KLF8: variants seen among roughly 807,000 people sequenced by gnomAD.
The protein encoded by KLF8 is Krueppel-like factor 8.
A neutral mutation model predicts 18.2 loss-of-function variants in KLF8; 10 were observed. The observed-to-expected ratio is 0.55, with a 90% CI of 0.34 to 0.93. The LOEUF (loss-of-function observed/expected upper bound fraction) is 0.93, where lower values mean the gene tolerates loss of function less well. Among genes scored for constraint, KLF8 ranks in the 40% least tolerant of loss-of-function variants. KLF8 has a pLI of 0.02. For synonymous variants in KLF8, 109 were observed against 97.3 expected (o/e 1.12, Z -0.71); for missense variants, 264 against 277.9 (o/e 0.95, Z 0.36).
At chrX:55,991,125 G>A in the KLF8 span, among the ~76,000 whole-genome samples, 3 of 112,235 alleles carry the variant, frequency 2.7e-5, no homozygotes, top group African/African-American at 9.7e-5. Context: ...AGGCAGGCAG[G>A]CCTCCTTGAG....
the KLF8 span, among the ~76,000 whole-genome samples, chrX:56,176,355 C>T: frequency 9.0e-6 from 1 of 111,674 alleles, no homozygotes; most frequent in African/African-American, 3.3e-5. Flanking sequence ...TTCTCCTTCA[C>T]TTCTGAAGCT....
At chrX:56,129,603 G>T in the KLF8 span, among the ~76,000 whole-genome samples, 1 of 111,634 alleles carries the variant, frequency 9.0e-6, no homozygotes, top group African/African-American at 3.3e-5. Context: ...ACTGGGGAAA[G>T]ACCAAAGGGA....
At chrX:56,136,569 G>T in the KLF8 span, among the ~76,000 whole-genome samples, 1 of 111,389 alleles carries the variant, frequency 9.0e-6, no homozygotes, top group Non-Finnish European at 1.9e-5. Flanking sequence ...AGCTGAAACT[G>T]GATCCCTTCC....
chrX:56,280,713 T>C (rs2067190545), intron 5 of KLF8, among the ~76,000 whole-genome samples: 1 of 112,387 alleles, frequency 8.9e-6, no homozygotes, highest in South Asian at 3.7e-4. Flanking sequence ...TTCCCAATCT[T>C]GGAATTTTAA....
the KLF8 span, among the ~76,000 whole-genome samples, chrX:56,177,484 C>T: frequency 5.4e-5 from 6 of 110,516 alleles, no homozygotes; most frequent in African/African-American, 2.0e-4. Flanking sequence ...GAGGAGTACC[C>T]GGCCATGTGA....
chrX:55,940,774 A>G, the KLF8 span, among the ~76,000 whole-genome samples: 20 of 111,807 alleles, frequency 1.8e-4, no homozygotes, highest in South Asian at 6.0e-3. Flanking sequence ...CCCATTCACA[A>G]TTGCTTCAAA....
chrX:55,966,487 C>T, the KLF8 span, among the ~76,000 whole-genome samples: 7 of 111,994 alleles, frequency 6.3e-5, no homozygotes, highest in Non-Finnish European at 1.3e-4. Context: ...GATAATTCTT[C>T]CACAACTTAT....
chrX:55,989,669 TTTG>T, the KLF8 span, among the ~76,000 whole-genome samples: 2,077 of 111,897 alleles, frequency 0.019, 43 homozygotes, highest in African/African-American at 0.065. Flanking sequence ...TTCTCTTTTT[TTTG>T]TTGTATCTCT....
chrX:56,195,859 AC>A, the KLF8 span, among the ~76,000 whole-genome samples: 2 of 111,614 alleles, frequency 1.8e-5, no homozygotes, highest in South Asian at 7.4e-4. Flanking sequence ...ACAAAAGAAA[AC>A]CCATCAGATT....
the KLF8 span, among the ~76,000 whole-genome samples, chrX:56,164,333 C>T: frequency 2.2e-5 from 2 of 91,122 alleles, no homozygotes; most frequent in Non-Finnish European, 4.3e-5. Flanking sequence ...AGTAAACAAA[C>T]CGTAACACCA....
chrX:56,204,487 T>G, the KLF8 span, among the ~76,000 whole-genome samples: 1 of 111,760 alleles, frequency 8.9e-6, no homozygotes, highest in Non-Finnish European at 1.9e-5. Context: ...ATGGGCCTCC[T>G]TGTTGTGTTA....
chrX:56,140,960 T>A, the KLF8 span, among the ~76,000 whole-genome samples: 23 of 111,377 alleles, frequency 2.1e-4, no homozygotes, highest in Non-Finnish European at 3.6e-4. Context: ...ATTGTTTACT[T>A]TGCATTTGTT....
the KLF8 span, among the ~76,000 whole-genome samples, chrX:56,006,822 A>G: frequency 1.8e-5 from 2 of 112,002 alleles, no homozygotes; most frequent in Non-Finnish European, 3.8e-5. Flanking sequence ...TGGCAGGTTG[A>G]CAGGGCCTGT....
the KLF8 span, among the ~76,000 whole-genome samples, chrX:55,966,978 A>G: frequency 8.9e-6 from 1 of 112,183 alleles, no homozygotes; most frequent in African/African-American, 3.2e-5. Flanking sequence ...TGCAGTTGAC[A>G]TACTGAAGAA....
chrX:56,171,250 A>G, the KLF8 span, among the ~76,000 whole-genome samples: 11 of 112,269 alleles, frequency 9.8e-5, no homozygotes, highest in African/African-American at 3.2e-4. Context: ...ATATAAATAG[A>G]AACAACAAAA....
At chrX:55,938,601 C>A in the KLF8 span, among the ~76,000 whole-genome samples, 1 of 110,898 alleles carries the variant, frequency 9.0e-6, no homozygotes, top group Non-Finnish European at 1.9e-5. Context: ...AGAGTCAAGA[C>A]CCATCAGTGT....
At chrX:56,191,953 G>T in the KLF8 span, among the ~76,000 whole-genome samples, 1 of 111,149 alleles carries the variant, frequency 9.0e-6, no homozygotes, top group Admixed American at 9.6e-5. Flanking sequence ...GTTATTTCAC[G>T]TAGTATGGGA....
At chrX:56,182,354 C>T in the KLF8 span, among the ~76,000 whole-genome samples, 1 of 112,017 alleles carries the variant, frequency 8.9e-6, no homozygotes. Flanking sequence ...TTCTAGTTAA[C>T]CATTTGTCTA....
At chrX:56,203,550 T>C in the KLF8 span, among the ~76,000 whole-genome samples, 2 of 112,667 alleles carry the variant, frequency 1.8e-5, no homozygotes, top group Admixed American at 1.9e-4. Context: ...AGTAGTTTCA[T>C]AGTTTAAGAT....
Sources: gnomAD v4.1 joint callset for allele counts (sites outside exome capture counted in the v4.1 genomes callset) on GRCh38, gnomAD v4.1.1 for gene constraint, MANE v1.5 for transcripts, NCBI Gene and HGNC (gene_info 2026-07-23, HGNC 2026-07-21) for gene names.